STK4: variants seen among roughly 807,000 people sequenced by gnomAD.
STK4 encodes serine/threonine kinase 4.
Under a neutral mutation model 64.9 loss-of-function variants are expected in STK4, and 30 were observed. The ratio of observed to expected loss-of-function variants is 0.46; its 90% CI spans 0.35 to 0.63. The LOEUF (loss-of-function observed/expected upper bound fraction) is 0.63, where lower values mean the gene tolerates loss of function less well. Among genes scored for constraint, STK4 ranks in the 20% least tolerant of loss-of-function variants. STK4 has a pLI of 0.01. For synonymous variants in STK4, 177 were observed against 199.0 expected, an observed-to-expected ratio of 0.89 and a Z score of 0.93; for missense variants, 466 against 598.5, an observed-to-expected ratio of 0.78 and a Z score of 2.31.
chr20:45,012,335 C>T (rs2068066144), intron 9 of STK4, among the ~76,000 whole-genome samples: 3 of 152,060 alleles, frequency 2.0e-5, no homozygotes, highest in African/African-American at 4.8e-5. Context: ...CACCCGGCCT[C>T]TCCCATATAA....
intron 9 of STK4, among the ~76,000 whole-genome samples, chr20:45,012,802 T>C (rs2068074946): frequency 6.7e-6 from 1 of 149,364 alleles, no homozygotes; most frequent in Non-Finnish European, 1.5e-5. Context: ...TCTTCTTCTT[T>C]TTTTTTTTTT....
intron 10 of STK4, among the ~76,000 whole-genome samples, chr20:45,032,972 T>C (rs2068470046): frequency 1.3e-5 from 2 of 152,264 alleles, no homozygotes; most frequent in South Asian, 2.1e-4. Flanking sequence ...TTCTGACTGG[T>C]ATGAGATAGT....
At position 44,972,120 on chromosome 20, in the gene STK4, A is replaced by C; in HGVS notation, c.78A>C (p.Pro26=). 2.5e-6 allele frequency: 4 copies of C among 1,614,080 alleles called. No individual in the cohort carries two copies. Among genetic ancestry groups the C allele is most frequent in the Non-Finnish European group, 3.4e-6 (4 of 1,179,964 alleles). ...KLDEDSLTKQ[P]EEVFDVLEKL... is the part of the protein sequence containing the mutation. ...ATGAAGATAGTTTAACCAAACAACCAGAAGAAGTATTTGATGTCTTAGAGA... is the reference window on the plus strand; with the variant it reads ...ATGAAGATAGTTTAACCAAACAACCCGAAGAAGTATTTGATGTCTTAGAGA... The change falls in exon 2 of 11, where the codon CCA becomes CCC. Residue 26 remains proline, a synonymous_variant. Transcript: ENST00000372806.
Position 44,987,284 on chromosome 20 carries a change from A to C in STK4, c.513A>C (p.Ala171=). The change falls in exon 5 of 11, where the codon GCA becomes GCC. Residue 171 remains alanine, a synonymous_variant. Coordinates refer to ENST00000372806, the MANE Select transcript of STK4 (RefSeq NM_006282.5). ...CAAAACTTGCAGATTTTGGGGTAGC[A>C]GGTCAACTTACAGTAAGTAAAAATA... The part of the protein sequence containing the change: ...GHAKLADFGV[A]GQLTDTMAKR... 1.2e-6 allele frequency: 2 copies of C among 1,610,148 alleles called. No homozygotes were observed. The highest frequency in any genetic ancestry group is 1.7e-6 in the Non-Finnish European group (2 of 1,178,876).
At position 45,078,951 on chromosome 20, in the gene STK4, A is replaced by G. The variant is rs1980724127; in HGVS notation, c.*3775A>G. On this transcript the variant is annotated 3_prime_UTR_variant, in exon 11 of 11. Coordinates refer to ENST00000372806, the MANE Select transcript of STK4 (RefSeq NM_006282.5). ...TAATAAATTTAACAACTTCAACATC[A>G]TAAACAAATTCCTTGAAAAATAAAA... 6.6e-6 allele frequency: 1 copy of G among 152,224 alleles called. No individual in the cohort carries two copies. Among genetic ancestry groups the G allele is most frequent in the African/African-American group, 2.4e-5 (1 of 41,446 alleles). 9.4% of individuals were successfully genotyped at this position (152,224 alleles called of 1,614,324 possible).
In STK4 at chr20:45,079,481, C is replaced by G. The variant is rs755567639; in HGVS notation, c.*4305C>G. On this transcript the variant is annotated 3_prime_UTR_variant, in exon 11 of 11. Coordinates refer to ENST00000372806, the MANE Select transcript of STK4 (RefSeq NM_006282.5). ...GCTCCTTATTTACTAGAAAATTGTT[C>G]CTGCCCAATCTACATCTCCACCTCA... The G allele has an allele frequency of 6.6e-6, 1 of 152,322 alleles. No individual in the cohort carries two copies. Among genetic ancestry groups the G allele is most frequent in the Non-Finnish European group, 1.5e-5 (1 of 68,008 alleles). 9.4% of individuals were successfully genotyped at this position (152,322 alleles called of 1,614,324 possible). A position where few individuals can be genotyped will look rare whatever the true frequency, so the allele number is the denominator to read the frequency against.
At chr20:45,067,652 A>G (rs550418894) in intron 10 of STK4, among the ~76,000 whole-genome samples, 1 of 152,304 alleles carries the variant, frequency 6.6e-6, no homozygotes, top group Non-Finnish European at 1.5e-5. Flanking sequence ...TGTCAGTGTA[A>G]TTCCTTTGAA....
chr20:45,030,846 A>C (rs1485089383), intron 10 of STK4, among the ~76,000 whole-genome samples: 1 of 152,156 alleles, frequency 6.6e-6, no homozygotes, highest in East Asian at 1.9e-4. Flanking sequence ...AACAGCTGTA[A>C]ACTTAAATCC....
intron 10 of STK4, among the ~76,000 whole-genome samples, chr20:45,028,327 C>CTT (rs76094387): frequency 2.1e-5 from 3 of 141,118 alleles, no homozygotes; most frequent in Non-Finnish European, 3.1e-5. Flanking sequence ...TGATATCTCT[C>CTT]TTTTTTTTTT....
intron 2 of STK4, among the ~76,000 whole-genome samples, 199 bp from the exon 3 acceptor site, chr20:44,978,244 G>A (rs2067373511): frequency 6.6e-6 from 1 of 152,164 alleles, no homozygotes; most frequent in African/African-American, 2.4e-5. Context: ...TGAATGTGAA[G>A]CTTTCAAGAT....
At chr20:45,003,712 ATTTTTTT>A (rs750273528) in intron 9 of STK4, among the ~76,000 whole-genome samples, 1 of 136,090 alleles carries the variant, frequency 7.3e-6, no homozygotes, top group Admixed American at 7.3e-5. Context: ...ACGTCTCTAA[ATTTTTTT>A]TTTTTTTTTT....
intron 1 of STK4, chr20:44,967,374 T>A (rs6130716): frequency 0.49 from 150,450 of 304,460 alleles, 38,797 homozygotes; most frequent in African/African-American, 0.61. Context: ...ACCCTGCCAG[T>A]CTGTGCCCTT....
chr20:45,024,122 G>A lies in STK4; in HGVS notation c.1148-851G>A, dbSNP rs936377098. Among the ~76,000 whole-genome samples, 20 of 151,718 alleles carry A rather than the reference G, an allele frequency of 1.3e-4. No individual in the cohort carries two copies. The South Asian group carries it at 1.7e-3, about 13-fold the overall frequency. On this transcript the variant is annotated intron_variant, in intron 9 of 10. Coordinates refer to ENST00000372806, the MANE Select transcript of STK4 (RefSeq NM_006282.5). ...TCATCGTATTAGCCAGGATGGTCTCGATCTCCTGGCCTTGTGATCTGCCCA... is the reference window on the plus strand; with the variant it reads ...TCATCGTATTAGCCAGGATGGTCTCAATCTCCTGGCCTTGTGATCTGCCCA...
intron 1 of STK4, among the ~76,000 whole-genome samples, chr20:44,970,855 A>G (rs1244738436): frequency 1.3e-5 from 2 of 151,516 alleles, no homozygotes; most frequent in Non-Finnish European, 2.9e-5. Flanking sequence ...TTTGTCTTCT[A>G]ATTTTAATCT....
intron 4 of STK4, among the ~76,000 whole-genome samples, chr20:44,985,936 G>GT (rs1294049820): frequency 2.6e-5 from 4 of 152,152 alleles, no homozygotes; most frequent in Non-Finnish European, 5.9e-5. Context: ...GGGGAACTAT[G>GT]TAACAGTTTG....
chr20:45,000,671 T>C (rs2067821772), intron 8 of STK4, 151 bp downstream of exon 8: 7 of 1,115,236 alleles, frequency 6.3e-6, no homozygotes, highest in South Asian at 1.5e-5. Flanking sequence ...CAACGCATGC[T>C]AGAGGGTTGT....
At position 44,981,770 on chromosome 20, in the gene STK4, A is replaced by G. The variant is rs1568686774; in HGVS notation, c.246-59A>G. On this transcript the variant is annotated intron_variant, in intron 3 of 10. Coordinates refer to ENST00000372806, the MANE Select transcript of STK4 (RefSeq NM_006282.5). ...AATTAATTTGTATATACTTGCTAGC[A>G]TGAATTAAGAGATATTTGAAGGCCA... is the stretch of plus-strand genomic sequence containing the variant. 5 of 991,512 alleles carry G rather than the reference A, an allele frequency of 5.0e-6. No individual in the cohort carries two copies. The East Asian group carries it at 7.2e-5, about 14-fold the overall frequency. The allele number at this position is 991,512 out of a possible 1,614,324, so 61.4% of individuals were successfully genotyped here. A position where few individuals can be genotyped will look rare whatever the true frequency, so the allele number is the denominator to read the frequency against.
intron 10 of STK4, among the ~76,000 whole-genome samples, chr20:45,042,568 C>A (rs977749067): frequency 2.4e-4 from 37 of 152,194 alleles, no homozygotes; most frequent in Non-Finnish European, 5.1e-4. Flanking sequence ...AAGTGAAATA[C>A]AACGCAATTA....
chr20:45,056,927 A>G (rs1328272115), intron 10 of STK4, among the ~76,000 whole-genome samples: 2 of 152,314 alleles, frequency 1.3e-5, no homozygotes, highest in Admixed American at 1.3e-4. Context: ...CTGGTTTGAC[A>G]AGACTGGAGC....
Sources: allele counts gnomAD v4.1 joint callset (sites outside exome capture counted in the v4.1 genomes callset), GRCh38; gene constraint gnomAD v4.1.1; transcripts MANE v1.5; gene names NCBI Gene and HGNC (gene_info 2026-07-23, HGNC 2026-07-21).